SGCZ: variants seen among roughly 807,000 people sequenced by gnomAD.
SGCZ encodes the protein sarcoglycan zeta.
A neutral mutation model predicts 41.3 loss-of-function variants in SGCZ; 40 were observed. The observed-to-expected ratio is 0.97, with a 90% CI of 0.75 to 1.26. The LOEUF is 1.26. Ranked by LOEUF, SGCZ falls within the 50% of genes most tolerant of loss-of-function variation. The pLI is 0.00. For synonymous variants in SGCZ, 206 were observed against 137.5 expected, an observed-to-expected ratio of 1.50 and a Z score of -3.49; for missense variants, 552 against 369.8, an observed-to-expected ratio of 1.49 and a Z score of -4.04.
intron 1 of SGCZ, among the ~76,000 whole-genome samples, chr8:15,132,195 A>G (rs1281845978): frequency 6.6e-6 from 1 of 152,172 alleles, no homozygotes; most frequent in Non-Finnish European, 1.5e-5. Flanking sequence ...AGAACCACAC[A>G]CAATGGAGTT....
chr8:15,097,698 C>G (rs1309073620), intron 1 of SGCZ, among the ~76,000 whole-genome samples: 4 of 148,936 alleles, frequency 2.7e-5, no homozygotes, highest in Non-Finnish European at 4.4e-5. Flanking sequence ...CAATACATTA[C>G]TGTCTACGCG....
At chr8:14,447,157 G>A (rs1032101437) in intron 2 of SGCZ, among the ~76,000 whole-genome samples, 9 of 152,072 alleles carry the variant, frequency 5.9e-5, no homozygotes, top group African/African-American at 2.2e-4. Flanking sequence ...AAAGCACTAA[G>A]CTTATGTTCA....
chr8:14,826,577 A>T (rs1279863088), intron 1 of SGCZ, among the ~76,000 whole-genome samples: 1 of 152,140 alleles, frequency 6.6e-6, no homozygotes, highest in African/African-American at 2.4e-5. Context: ...CTATTTCTCC[A>T]CATCCTCTCC....
At chr8:14,913,208 C>T (rs993660742) in intron 1 of SGCZ, among the ~76,000 whole-genome samples, 9 of 151,982 alleles carry the variant, frequency 5.9e-5, no homozygotes, top group Admixed American at 1.3e-4. Context: ...TTGATATTAA[C>T]ATAACATTCA....
intron 1 of SGCZ, among the ~76,000 whole-genome samples, chr8:14,708,986 C>G (rs17322000): frequency 0.015 from 2,292 of 151,998 alleles, 30 homozygotes; most frequent in South Asian, 0.067. Context: ...TCATCTTGAC[C>G]CAATTTATAA....
chr8:14,631,639 G>A (rs1806658301), intron 1 of SGCZ, among the ~76,000 whole-genome samples: 1 of 152,072 alleles, frequency 6.6e-6, no homozygotes, highest in African/African-American at 2.4e-5. Flanking sequence ...CCTCCTTGCT[G>A]GAGATACTAT....
chr8:14,087,369 A>G lies in SGCZ; in HGVS notation c.*3074T>C, dbSNP rs943178454. Reference sequence around the variant, plus strand: ...GAAAAGAATAATGTGTCCTCTTTGCATCTTTCCTTTTGTGATCCCCCAAAC... The same window carrying G: ...GAAAAGAATAATGTGTCCTCTTTGCGTCTTTCCTTTTGTGATCCCCCAAAC... On this transcript the variant is annotated 3_prime_UTR_variant, in exon 8 of 8. Coordinates refer to ENST00000382080, the MANE Select transcript of SGCZ (RefSeq NM_139167.4). Among the ~76,000 whole-genome samples the G allele has an allele frequency of 2.6e-5, 4 of 151,686 alleles. No homozygotes were observed. Among genetic ancestry groups the G allele is most frequent in the Admixed American group, 2.6e-4 (4 of 15,188 alleles).
chr8:15,159,392 A>T (rs1182145618), intron 1 of SGCZ, among the ~76,000 whole-genome samples: 2 of 152,076 alleles, frequency 1.3e-5, no homozygotes, highest in Non-Finnish European at 2.9e-5. Context: ...GAACCCAAAG[A>T]GTGGGTCATG....
chr8:15,187,531 A>C (rs1800384154), intron 1 of SGCZ, among the ~76,000 whole-genome samples: 1 of 152,034 alleles, frequency 6.6e-6, no homozygotes, highest in African/African-American at 2.4e-5. Context: ...CTTTTACTGC[A>C]TGAGTTAATT....
intron 4 of SGCZ, among the ~76,000 whole-genome samples, chr8:14,213,459 C>G (rs895454110): frequency 6.6e-6 from 1 of 151,948 alleles, no homozygotes; most frequent in Admixed American, 6.6e-5. Context: ...TAAAACTATC[C>G]TTCAGGAACT....
intron 1 of SGCZ, among the ~76,000 whole-genome samples, chr8:15,028,775 C>G (rs1357137872): frequency 6.6e-6 from 1 of 151,966 alleles, no homozygotes; most frequent in African/African-American, 2.4e-5. Flanking sequence ...TAAGATCTTC[C>G]TATCTAACTC....
intron 4 of SGCZ, among the ~76,000 whole-genome samples, chr8:14,208,034 A>G (rs1285721187): frequency 1.3e-5 from 2 of 152,200 alleles, no homozygotes; most frequent in Non-Finnish European, 2.9e-5. Flanking sequence ...CTACAAACAG[A>G]AAATGAAGTT....
At chr8:14,462,930 T>C (rs1283558241) in intron 2 of SGCZ, among the ~76,000 whole-genome samples, 1 of 151,798 alleles carries the variant, frequency 6.6e-6, no homozygotes, top group Non-Finnish European at 1.5e-5. Flanking sequence ...TAATTTCTAT[T>C]TCATTATTTC....
chr8:14,671,573 G>A (rs1331790694), intron 1 of SGCZ, among the ~76,000 whole-genome samples: 1 of 152,084 alleles, frequency 6.6e-6, no homozygotes, highest in Non-Finnish European at 1.5e-5. Context: ...CTTTACTTCA[G>A]GGTGCCCAGG....
intron 1 of SGCZ, among the ~76,000 whole-genome samples, chr8:15,114,552 T>C (rs542239518): frequency 6.6e-6 from 1 of 152,296 alleles, no homozygotes; most frequent in African/African-American, 2.4e-5. Context: ...AAAAATTGTT[T>C]TGTGATTTTT....
intron 1 of SGCZ, among the ~76,000 whole-genome samples, chr8:14,588,414 T>C (rs1805131505): frequency 6.6e-6 from 1 of 151,698 alleles, no homozygotes; most frequent in African/African-American, 2.4e-5. Flanking sequence ...CATTTGAAAG[T>C]AAATACAGGA....
chr8:14,361,243 G>A (rs1248527123), intron 2 of SGCZ, among the ~76,000 whole-genome samples: 4 of 152,110 alleles, frequency 2.6e-5, no homozygotes, highest in South Asian at 2.1e-4. Flanking sequence ...TTGCTAGGTT[G>A]GTAAAGTTCT....
In SGCZ at chr8:14,087,253, G is replaced by A. The variant is rs1303886748; in HGVS notation, c.*3190C>T. Among the ~76,000 whole-genome samples, 1 of 151,500 alleles carries A rather than the reference G, an allele frequency of 6.6e-6. No individual in the cohort carries two copies. Among genetic ancestry groups the A allele is most frequent in the East Asian group, 1.9e-4 (1 of 5,150 alleles). ...AAGTAAGTACCGGATAGAAATTTTG[G>A]AAATGTTGAACAAGGGAAGTAGGAA... On this transcript the variant is annotated 3_prime_UTR_variant, in exon 8 of 8. Transcript: ENST00000382080.
In SGCZ at chr8:14,261,902, A is replaced by G. The variant is rs532096704; in HGVS notation, c.337-24223T>C. On this transcript the variant is annotated intron_variant, in intron 3 of 7. Transcript: ENST00000382080. ...AGAAGCAAAGCAAAAGTAGAGGAAA[A>G]GTTTACTGAACTTTCAAGGTAAAAT... is the stretch of plus-strand genomic sequence containing the variant. Among the ~76,000 whole-genome samples the G allele has an allele frequency of 4.4e-4, 67 of 152,300 alleles. 2 individuals carry two copies. Among genetic ancestry groups the G allele is most frequent in the African/African-American group, 1.4e-3 (57 of 41,568 alleles).
Sources: gnomAD v4.1 joint callset for allele counts (sites outside exome capture counted in the v4.1 genomes callset) on GRCh38, gnomAD v4.1.1 for gene constraint, MANE v1.5 for transcripts, NCBI Gene and HGNC (gene_info 2026-07-23, HGNC 2026-07-21) for gene names.